The following ROBO1 variants were observed in gnomAD, a reference collection of about 807,000 sequenced individuals.
The protein encoded by ROBO1 is roundabout homolog 1.
ROBO1 carries 149 observed loss-of-function variants against 195.9 expected under a neutral mutation model. That is an observed-to-expected ratio of 0.76 (90% CI 0.67 to 0.87). The LOEUF is 0.87. Ranked by LOEUF, ROBO1 falls within the 40% of genes least tolerant of loss-of-function variation. The probability of loss-of-function intolerance (pLI) is 0.00; values close to 1 mark genes in which losing one functional copy is unlikely to be tolerated. For missense variants in ROBO1, 1,933 were observed against 2,068.3 expected (o/e 0.93, Z 1.27); for synonymous variants, 816 against 733.2 (o/e 1.11, Z -1.82).
At position 79,680,939 on chromosome 3, in the gene ROBO1, T is replaced by C. The variant is rs1946928354; in HGVS notation, c.-51+86813A>G. Among the ~76,000 whole-genome samples, 3 of 151,788 alleles carry C rather than the reference T, an allele frequency of 2.0e-5. No individual in the cohort carries two copies. The South Asian group carries it at 6.2e-4, about 31-fold the overall frequency. On this transcript the variant is annotated intron_variant, in intron 1 of 30. Coordinates refer to ENST00000464233, the MANE Select transcript of ROBO1 (RefSeq NM_002941.4). ...GAGAGTGAGATGCTGGAAGTTGAGG[T>C]TGTTGAAGAAGTGTTTATTGATAAT...
chr3:79,574,611 A>G, intron 2 of ROBO1, among the ~76,000 whole-genome samples: 1 of 151,958 alleles, frequency 6.6e-6, no homozygotes, highest in East Asian at 1.9e-4. Flanking sequence ...TGTTTACTTT[A>G]ATCAGACTGC....
chr3:79,104,064 A>G (rs1318835314), intron 3 of ROBO1, among the ~76,000 whole-genome samples: 2 of 151,740 alleles, frequency 1.3e-5, no homozygotes, highest in Non-Finnish European at 2.9e-5. Flanking sequence ...ACTTTAAGAC[A>G]AAACACCAGT....
chr3:79,308,084 C>T (rs137938200), intron 2 of ROBO1, among the ~76,000 whole-genome samples: 1 of 152,092 alleles, frequency 6.6e-6, no homozygotes. Flanking sequence ...ATCTTTATAT[C>T]AGGTTACAAG....
chr3:79,499,606 CA>C (rs1290230345), intron 2 of ROBO1, among the ~76,000 whole-genome samples: 23 of 152,220 alleles, frequency 1.5e-4, no homozygotes, highest in Admixed American at 5.9e-4. Flanking sequence ...GATCATTAAA[CA>C]CAGAATAAGA....
At chr3:78,742,063 A>G (rs1003724120) in intron 5 of ROBO1, among the ~76,000 whole-genome samples, 8 of 152,160 alleles carry the variant, frequency 5.3e-5, no homozygotes, top group African/African-American at 1.9e-4. Flanking sequence ...TGCAGCTATA[A>G]TTCAACTACA....
At chr3:79,585,055 A>C (rs1157210121) in intron 2 of ROBO1, among the ~76,000 whole-genome samples, 1 of 149,852 alleles carries the variant, frequency 6.7e-6, no homozygotes, top group Non-Finnish European at 1.5e-5. Context: ...TTTTATTTGT[A>C]GTGACTATTG....
chr3:78,604,237 A>AT (rs1232964804), intron 29 of ROBO1, among the ~76,000 whole-genome samples: 10 of 151,748 alleles, frequency 6.6e-5, no homozygotes, highest in African/African-American at 2.2e-4. Context: ...CACCCAGCTA[A>AT]TTTTTTTATT....
intron 2 of ROBO1, among the ~76,000 whole-genome samples, chr3:79,180,326 T>C (rs928780598): frequency 2.0e-5 from 3 of 152,234 alleles, no homozygotes; most frequent in African/African-American, 7.2e-5. Flanking sequence ...GGCACTGCCA[T>C]AGCCACTGGG....
chr3:79,640,427 T>G (rs1456986793), intron 1 of ROBO1, among the ~76,000 whole-genome samples: 1 of 152,134 alleles, frequency 6.6e-6, no homozygotes, highest in Non-Finnish European at 1.5e-5. Context: ...AAACCTCTTT[T>G]TCTTTGTAAA....
At chr3:79,489,109 C>CAT (rs140391978) in intron 2 of ROBO1, among the ~76,000 whole-genome samples, 5,217 of 148,056 alleles carry the variant, frequency 0.035, 239 homozygotes, top group African/African-American at 0.11. Flanking sequence ...TATATAAGTA[C>CAT]ATATATATAT....
intron 1 of ROBO1, among the ~76,000 whole-genome samples, chr3:79,722,358 T>C (rs1278516912): frequency 6.6e-6 from 1 of 152,192 alleles, no homozygotes; most frequent in African/African-American, 2.4e-5. Flanking sequence ...TTTTATTGTG[T>C]TCCATTTTCA....
At chr3:78,615,807 C>T (rs954470121) in intron 27 of ROBO1, among the ~76,000 whole-genome samples, 5 of 152,146 alleles carry the variant, frequency 3.3e-5, no homozygotes, top group African/African-American at 1.2e-4. Context: ...AAATAATATA[C>T]ATTAACACAG....
At chr3:78,995,728 T>A in intron 3 of ROBO1, among the ~76,000 whole-genome samples, 1 of 146,304 alleles carries the variant, frequency 6.8e-6, no homozygotes, top group South Asian at 2.1e-4. Context: ...ATGGTGCCAC[T>A]ATACTCTAGC....
intron 2 of ROBO1, among the ~76,000 whole-genome samples, chr3:79,556,598 T>C (rs1384076895): frequency 1.3e-5 from 2 of 152,046 alleles, no homozygotes; most frequent in Admixed American, 6.6e-5. Context: ...ATTCATTCAA[T>C]AGACATTGAC....
intron 3 of ROBO1, among the ~76,000 whole-genome samples, chr3:78,975,833 C>T (rs1241067500): frequency 1.3e-5 from 2 of 152,120 alleles, no homozygotes; most frequent in African/African-American, 4.8e-5. Context: ...AGTACCAACT[C>T]TTAAGTGGTG....
chr3:79,235,348 A>T (rs2082388603), intron 2 of ROBO1, among the ~76,000 whole-genome samples: 3 of 152,126 alleles, frequency 2.0e-5, no homozygotes, highest in Admixed American at 6.5e-5. Flanking sequence ...GAATTAAGGC[A>T]AAGTATTTTC....
intron 4 of ROBO1, among the ~76,000 whole-genome samples, chr3:78,893,833 T>C (rs1218729208): frequency 1.3e-5 from 2 of 152,186 alleles, no homozygotes; most frequent in East Asian, 3.8e-4. Context: ...GATCTGGTAC[T>C]AGAAACTTCT....
At chr3:79,208,843 G>C (rs1011486935) in intron 2 of ROBO1, among the ~76,000 whole-genome samples, 2 of 151,844 alleles carry the variant, frequency 1.3e-5, no homozygotes, top group Non-Finnish European at 2.9e-5. Context: ...TTGAATGACT[G>C]CAACCTTTCC....
intron 2 of ROBO1, among the ~76,000 whole-genome samples, chr3:79,326,271 A>T (rs984854257): frequency 6.6e-6 from 1 of 152,160 alleles, no homozygotes; most frequent in Non-Finnish European, 1.5e-5. Flanking sequence ...CTTGTGAAGC[A>T]GGTGATCTCT....
Sources: allele counts gnomAD v4.1 joint callset (sites outside exome capture counted in the v4.1 genomes callset), GRCh38; gene constraint gnomAD v4.1.1; transcripts MANE v1.5; gene names NCBI Gene and HGNC (gene_info 2026-07-23, HGNC 2026-07-21).